Variants in OR52A5 observed in about 807,000 individuals in gnomAD.
OR52A5 encodes olfactory receptor 52A5.
A neutral mutation model predicts 18.2 loss-of-function variants in OR52A5; 16 were observed. That is an observed-to-expected ratio of 0.88 (90% CI 0.60 to 1.34). The LOEUF (loss-of-function observed/expected upper bound fraction) is 1.34. OR52A5 is among the 40% of genes most tolerant of loss of function. OR52A5 has a pLI of 0.00. For missense variants in OR52A5, 418 were observed against 383.0 expected (o/e 1.09, Z -0.76); for synonymous variants, 140 against 137.2 (o/e 1.02, Z -0.14).
At chr11:5,134,159 C>T (rs2133524853) in intron 1 of OR52A5, among the ~76,000 whole-genome samples, 1 of 152,222 alleles carries the variant, frequency 6.6e-6, no homozygotes, top group Non-Finnish European at 1.5e-5. Context: ...ACTTGCATCA[C>T]AAAATATGTG....
At chr11:5,138,000 A>G (rs982167380) in intron 1 of OR52A5, among the ~76,000 whole-genome samples, 5 of 152,172 alleles carry the variant, frequency 3.3e-5, no homozygotes, top group Non-Finnish European at 5.9e-5. Flanking sequence ...AGCACGTTCA[A>G]TTTTCTTGGC....
chr11:5,135,229 G>A (rs1846380803), intron 1 of OR52A5, among the ~76,000 whole-genome samples: 1 of 151,914 alleles, frequency 6.6e-6, no homozygotes, highest in Non-Finnish European at 1.5e-5. Context: ...TGTATCAGAG[G>A]GTAATTACAT....
chr11:5,133,733 G>C (rs1280133297), intron 1 of OR52A5, among the ~76,000 whole-genome samples: 2 of 151,996 alleles, frequency 1.3e-5, no homozygotes, highest in South Asian at 2.1e-4. Flanking sequence ...TTAATATCAA[G>C]TGCCAACATA....
At position 5,130,158 on chromosome 11, in the gene OR52A5, A is replaced by AT. The variant is rs540748986; in HGVS notation, c.*1533dup. ...ATGTTGAAATTTTTATTTTCTGTTGATTTTTTTCCAATATGGGTGTTTTGT... is the reference window on the plus strand; with the variant it reads ...ATGTTGAAATTTTTATTTTCTGTTGATTTTTTTTCCAATATGGGTGTTTTGT... On this transcript the variant is annotated 3_prime_UTR_variant, in exon 2 of 2. Coordinates refer to ENST00000307388, the MANE Select transcript of OR52A5 (RefSeq NM_001005160.3). 1 of 151,036 alleles carries AT rather than the reference A, an allele frequency of 6.6e-6. No individual in the cohort carries two copies. The highest frequency in any genetic ancestry group is 6.6e-5 in the Admixed American group (1 of 15,164). The allele number at this position is 151,036 out of a possible 1,614,324, so 9.4% of individuals were successfully genotyped here. A position where few individuals can be genotyped will look rare whatever the true frequency, so the allele number is the denominator to read the frequency against.
Position 5,132,076 on chromosome 11 carries a change from C to G in OR52A5, c.567G>C (p.Lys189Asn), listed in dbSNP as rs1377171507. 1 of 1,614,200 alleles carries G rather than the reference C, an allele frequency of 6.2e-7. No individual in the cohort carries two copies. Among genetic ancestry groups the G allele is most frequent in the African/African-American group, 1.3e-5 (1 of 75,054 alleles). The change falls in exon 2 of 2, where the codon AAG becomes AAC. Residue 189 changes from lysine (K) to asparagine (N), a missense_variant. Transcript: ENST00000307388. ...HSYCEHMAIV[K>N]LATEDIRVNK... ...TGACTCGGATATCTTCAGTAGCCAG[C>G]TTCACGATGGCCATGTGCTCACAGT...
At position 5,130,181 on chromosome 11, in the gene OR52A5, T is replaced by G. The variant is rs1327991652; in HGVS notation, c.*1511A>C. 3 of 152,122 alleles carry G rather than the reference T, an allele frequency of 2.0e-5. No homozygotes were observed. The highest frequency in any genetic ancestry group is 2.0e-4 in the Admixed American group (3 of 15,278). The allele number at this position is 152,122 out of a possible 1,614,324, so 9.4% of individuals were successfully genotyped here. On this transcript the variant is annotated 3_prime_UTR_variant, in exon 2 of 2. Transcript: ENST00000307388. ...TGATTTTTTTCCAATATGGGTGTTT[T>G]GTCTATTTTCATTTATATAATTTGG...
chr11:5,136,335 C>T (rs1006975801), intron 1 of OR52A5, among the ~76,000 whole-genome samples: 1 of 152,124 alleles, frequency 6.6e-6, no homozygotes, highest in African/African-American at 2.4e-5. Context: ...ATTTGTTTTT[C>T]TAGGGCAGAC....
rs1436160837 is a variant in OR52A5, at chr11:5,129,831, C to CCA, written c.*1860_*1861insTG. 2.0e-5 allele frequency: 3 copies of CCA among 152,174 alleles called. No individual in the cohort carries two copies. The highest frequency in any genetic ancestry group is 7.2e-5 in the African/African-American group (3 of 41,446). 9.4% of individuals were successfully genotyped at this position (152,174 alleles called of 1,614,324 possible). ...GAAATCAGCTGGACCAGGTGCTGTA[C>CCA]TCCATGTGGAAATTGCTTCAGCTGG... On this transcript the variant is annotated 3_prime_UTR_variant, in exon 2 of 2. Transcript: ENST00000307388.
Position 5,131,133 on chromosome 11 carries a change from T to A in OR52A5, c.*559A>T, listed in dbSNP as rs1451031553. 1.3e-5 allele frequency: 2 copies of A among 152,396 alleles called. No individual in the cohort carries two copies. The highest frequency in any genetic ancestry group is 2.9e-5 in the Non-Finnish European group (2 of 68,178). The allele number at this position is 152,396 out of a possible 1,614,324, so 9.4% of individuals were successfully genotyped here. ...CTAAGAATTCTCAGGCATTGTCCAC[T>A]GTTTTCCTGATAAAGGGTAAATAAG... On this transcript the variant is annotated 3_prime_UTR_variant, in exon 2 of 2. Coordinates refer to ENST00000307388, the MANE Select transcript of OR52A5 (RefSeq NM_001005160.3).
At position 5,131,906 on chromosome 11, in the gene OR52A5, G is replaced by A. The variant is rs753192710; in HGVS notation, c.737C>T (p.Ala246Val). 5.6e-6 allele frequency: 9 copies of A among 1,614,164 alleles called. No homozygotes were observed. The highest frequency in any genetic ancestry group is 5.0e-5 in the Admixed American group (3 of 60,028). ...ARFKAFNTCI[A>V]HICVFLQFYL... is the part of the protein sequence containing the mutation. ...GAACTGTAGGAAGACACAAATGTGG[G>A]CAATGCATGTATTAAAGGCCTTGAA... Residue 246 changes from alanine (A) to valine (V), a missense_variant, in exon 2 of 2, where the codon GCC becomes GTC. Physicochemically the swap from Ala to Val is moderately conservative, Grantham distance 64. Coordinates refer to ENST00000307388, the MANE Select transcript of OR52A5 (RefSeq NM_001005160.3).
chr11:5,131,862 A>G lies in OR52A5; in HGVS notation c.781T>C (p.Ser261Pro). The G allele has an allele frequency of 6.2e-7, 1 of 1,614,220 alleles. No individual in the cohort carries two copies. The highest frequency in any genetic ancestry group is 8.5e-7 in the Non-Finnish European group (1 of 1,180,020). The change falls in exon 2 of 2, where the codon TCT becomes CCT. Residue 261 changes from serine (S) to proline (P), a missense_variant. Physicochemically the swap from Ser to Pro is moderately conservative, Grantham distance 74. Coordinates refer to ENST00000307388, the MANE Select transcript of OR52A5 (RefSeq NM_001005160.3). The stretch of plus-strand genomic sequence containing the variant: ...GAACCAAACCTGTGTGTGAAGAAAG[A>G]GAAGAAGGCAAGAAGGTAGAACTGT... ...FLQFYLLAFF[S>P]FFTHRFGSHI...
Position 5,131,644 on chromosome 11 carries a change from G to A in OR52A5, c.*48C>T. 1 of 1,075,598 alleles carries A rather than the reference G, an allele frequency of 9.3e-7. No individual in the cohort carries two copies. Among genetic ancestry groups the A allele is most frequent in the Non-Finnish European group, 1.4e-6 (1 of 727,312 alleles). The allele number at this position is 1,075,598 out of a possible 1,614,324, so 66.6% of individuals were successfully genotyped here. On this transcript the variant is annotated 3_prime_UTR_variant, in exon 2 of 2. Transcript: ENST00000307388. The stretch of plus-strand genomic sequence containing the variant: ...TGATCTGTGACTTTCATTATATTTA[G>A]GTTTTTACTTAGAACCAACCCTAAA...
At chr11:5,138,240 CAT>C (rs1846409395) in intron 1 of OR52A5, 69 bp downstream of exon 1, 1 of 152,208 alleles carries the variant, frequency 6.6e-6, no homozygotes, top group South Asian at 2.1e-4. Flanking sequence ...TCGCAGGAGA[CAT>C]ATGTCCTCTT....
chr11:5,132,095 T>C lies in OR52A5; in HGVS notation c.548A>G (p.Glu183Gly), dbSNP rs1033091137. Residue 183 changes from glutamate (E) to glycine (G), a missense_variant, in exon 2 of 2, where the codon GAG becomes GGG. Glu to Gly is a moderately conservative substitution (Grantham distance 98). Coordinates refer to ENST00000307388, the MANE Select transcript of OR52A5 (RefSeq NM_001005160.3). ...RTTVISHSYCEHMAIVKLATE... is the reference protein window; with the variant it reads ...RTTVISHSYCGHMAIVKLATE... ...AGCCAGCTTCACGATGGCCATGTGC[T>C]CACAGTAAGAGTGAGAGATGACTGT... is the stretch of plus-strand genomic sequence containing the variant. 3 of 1,614,086 alleles carry C rather than the reference T, an allele frequency of 1.9e-6. No individual in the cohort carries two copies. The highest frequency in any genetic ancestry group is 2.7e-5 in the African/African-American group (2 of 74,924).
In OR52A5 at chr11:5,129,236, T is replaced by C. The variant is rs906571286; in HGVS notation, c.*2456A>G. ...CACCTTGGCCTACATGTTTAAGGTG[T>C]GTTTTAGCCTGGATCTGTGCTACAT... On this transcript the variant is annotated 3_prime_UTR_variant, in exon 2 of 2. Transcript: ENST00000307388. The C allele has an allele frequency of 7.2e-5, 11 of 152,092 alleles. No individual in the cohort carries two copies. The highest frequency in any genetic ancestry group is 1.6e-4 in the Non-Finnish European group (11 of 68,014). The allele number at this position is 152,092 out of a possible 1,614,324, so 9.4% of individuals were successfully genotyped here. A position where few individuals can be genotyped will look rare whatever the true frequency, so the allele number is the denominator to read the frequency against.
chr11:5,132,944 A>C (rs928288087), intron 1 of OR52A5, among the ~76,000 whole-genome samples: 15 of 152,182 alleles, frequency 9.9e-5, no homozygotes, highest in African/African-American at 3.4e-4. Flanking sequence ...TTGGATCAAC[A>C]ATATTTTATG....
At position 5,132,119 on chromosome 11, in the gene OR52A5, G is replaced by A. The variant is rs1010891753; in HGVS notation, c.524C>T (p.Thr175Ile). The A allele has an allele frequency of 2.5e-6, 4 of 1,614,240 alleles. No homozygotes were observed. Among genetic ancestry groups the A allele is most frequent in the Non-Finnish European group, 3.4e-6 (4 of 1,180,038 alleles). Residue 175 changes from threonine (T) to isoleucine (I), a missense_variant, in exon 2 of 2, where the codon ACA becomes ATA. Thr to Ile is a moderately conservative substitution (Grantham distance 89). Transcript: ENST00000307388. ...IKCCLKHYRT[T>I]VISHSYCEHM... ...CTCACAGTAAGAGTGAGAGATGACT[G>A]TAGTTCGATAGTGTTTCAGACAGCA...
chr11:5,137,454 A>G (rs945445644), intron 1 of OR52A5, among the ~76,000 whole-genome samples: 1 of 152,106 alleles, frequency 6.6e-6, no homozygotes. Flanking sequence ...TATCATCTTT[A>G]AAGTTACCAT....
chr11:5,134,274 G>C (rs970337773), intron 1 of OR52A5, among the ~76,000 whole-genome samples: 5 of 152,110 alleles, frequency 3.3e-5, no homozygotes, highest in Admixed American at 6.6e-5. Flanking sequence ...AGATAGTAGT[G>C]GGGGGCCAAC....
Sources: allele counts gnomAD v4.1 joint callset (sites outside exome capture counted in the v4.1 genomes callset), GRCh38; gene constraint gnomAD v4.1.1; transcripts MANE v1.5; gene names NCBI Gene and HGNC (gene_info 2026-07-23, HGNC 2026-07-21).